The following ASPH variants were observed in gnomAD, a reference collection of about 807,000 sequenced individuals.
ASPH encodes the protein aspartyl/asparaginyl beta-hydroxylase.
A neutral mutation model predicts 118.4 loss-of-function variants in ASPH; 100 were observed. The observed-to-expected ratio is 0.84, with a 90% CI of 0.72 to 1.00. The LOEUF (loss-of-function observed/expected upper bound fraction) is 1.00. Ranked by LOEUF, ASPH falls within the 50% of genes least tolerant of loss-of-function variation. The pLI is 0.00. For missense variants in ASPH, 920 were observed against 919.5 expected (o/e 1.00, Z -0.01); for synonymous variants, 315 against 325.6 (o/e 0.97, Z 0.35).
chr8:61,556,809 A>T (rs1477047612), intron 18 of ASPH, among the ~76,000 whole-genome samples: 1 of 152,222 alleles, frequency 6.6e-6, no homozygotes, highest in Non-Finnish European at 1.5e-5. Context: ...ATGTAGGGAA[A>T]GATGCATCTC....
chr8:61,533,811 C>T (rs144397531), intron 21 of ASPH, among the ~76,000 whole-genome samples: 32 of 152,330 alleles, frequency 2.1e-4, no homozygotes, highest in African/African-American at 4.8e-4. Flanking sequence ...CAAAATTACA[C>T]GCTGACACTG....
At chr8:61,609,518 A>T (rs1194863003) in intron 14 of ASPH, among the ~76,000 whole-genome samples, 1 of 152,216 alleles carries the variant, frequency 6.6e-6, no homozygotes, top group Non-Finnish European at 1.5e-5. Flanking sequence ...CATTGCAGCA[A>T]AGAGGAAAGG....
intron 14 of ASPH, among the ~76,000 whole-genome samples, chr8:61,614,470 A>G (rs1304250150): frequency 2.0e-5 from 3 of 152,182 alleles, no homozygotes; most frequent in East Asian, 1.9e-4. Context: ...GTCAAAGTAC[A>G]GCTTTTAAAG....
chr8:61,535,130 A>G (rs1277940034), intron 21 of ASPH, among the ~76,000 whole-genome samples: 2 of 152,224 alleles, frequency 1.3e-5, no homozygotes, highest in Non-Finnish European at 2.9e-5. Context: ...TTAAAGACCC[A>G]AACACAGTCT....
chr8:61,542,975 G>A lies in ASPH; in HGVS notation c.1764+5096C>T, dbSNP rs576001086. Among the ~76,000 whole-genome samples, 8 of 152,108 alleles carry A rather than the reference G, an allele frequency of 5.3e-5. No homozygotes were observed. The South Asian group carries it at 1.5e-3, about 28-fold the overall frequency. ...AAGGAAGGTTCCTTTTGTGCAATAA[G>A]TCCTCTTTCTCTGTGTGCTTTCAAG... is the stretch of plus-strand genomic sequence containing the variant. On this transcript the variant is annotated intron_variant, in intron 21 of 24. Coordinates refer to ENST00000379454, the MANE Select transcript of ASPH (RefSeq NM_004318.4).
intron 24 of ASPH, among the ~76,000 whole-genome samples, chr8:61,512,499 G>C (rs1396224088): frequency 6.6e-6 from 1 of 152,168 alleles, no homozygotes; most frequent in Admixed American, 6.5e-5. Flanking sequence ...CTCCCTTAGA[G>C]CCTCCAGAAG....
At chr8:61,557,596 C>T (rs1291809989) in intron 18 of ASPH, among the ~76,000 whole-genome samples, 1 of 152,170 alleles carries the variant, frequency 6.6e-6, no homozygotes, top group Non-Finnish European at 1.5e-5. Context: ...CACTTATCAC[C>T]GTCTGACCTA....
At chr8:61,618,784 CT>C (rs1456308777) in intron 14 of ASPH, among the ~76,000 whole-genome samples, 193 bp downstream of exon 14, 8 of 152,208 alleles carry the variant, frequency 5.3e-5, no homozygotes, top group African/African-American at 1.9e-4. Flanking sequence ...TGGGCAACCT[CT>C]TTCTGTGCTT....
At chr8:61,612,348 G>GA (rs1435677680) in intron 14 of ASPH, among the ~76,000 whole-genome samples, 1 of 149,036 alleles carries the variant, frequency 6.7e-6, no homozygotes, top group Non-Finnish European at 1.5e-5. Context: ...AATCCAATGG[G>GA]AAAAAATGAT....
chr8:61,567,952 G>A (rs972263002), intron 16 of ASPH, among the ~76,000 whole-genome samples: 5 of 152,166 alleles, frequency 3.3e-5, no homozygotes, highest in African/African-American at 4.8e-5. Flanking sequence ...AAATTATGAA[G>A]ATACCTTGGG....
At chr8:61,687,473 T>C (rs1439301230) in intron 1 of ASPH, 1 of 152,218 alleles carries the variant, frequency 6.6e-6, no homozygotes, top group Non-Finnish European at 1.5e-5. Flanking sequence ...TCTAGCTCTA[T>C]GCACAAAACT....
At chr8:61,670,180 G>A (rs1236188368) in intron 3 of ASPH, among the ~76,000 whole-genome samples, 1 of 151,120 alleles carries the variant, frequency 6.6e-6, no homozygotes, top group Non-Finnish European at 1.5e-5. Context: ...ACCAAAAACA[G>A]TTAACAAGAG....
intron 19 of ASPH, among the ~76,000 whole-genome samples, chr8:61,555,146 C>T (rs936187984): frequency 1.3e-5 from 2 of 152,062 alleles, no homozygotes; most frequent in African/African-American, 2.4e-5. Context: ...CCTTTTCAGC[C>T]AGTATTTGTT....
chr8:61,579,732 G>C, intron 15 of ASPH: 1 of 910,686 alleles, frequency 1.1e-6, no homozygotes, highest in Admixed American at 1.7e-5. Flanking sequence ...CTGAGAAGGA[G>C]GCCACTATTC....
intron 16 of ASPH, among the ~76,000 whole-genome samples, chr8:61,571,233 C>A (rs184546652): frequency 4.6e-5 from 7 of 152,242 alleles, no homozygotes; most frequent in African/African-American, 1.7e-4. Context: ...AGCAATAACA[C>A]ATTGAAGCAT....
At chr8:61,652,720 A>T (rs142093513) in intron 4 of ASPH, among the ~76,000 whole-genome samples, 8 of 152,314 alleles carry the variant, frequency 5.3e-5, no homozygotes, top group Admixed American at 3.3e-4. Context: ...AAACTTTTTA[A>T]AAGTTACTAT....
intron 14 of ASPH, among the ~76,000 whole-genome samples, chr8:61,616,260 T>C (rs1377181403): frequency 6.6e-6 from 1 of 152,122 alleles, no homozygotes; most frequent in Non-Finnish European, 1.5e-5. Context: ...GTCAGACCTG[T>C]GCACCGAGGA....
intron 3 of ASPH, chr8:61,663,114 T>C (rs1035568647): frequency 3.0e-6 from 3 of 985,278 alleles, no homozygotes; most frequent in African/African-American, 1.7e-5. Flanking sequence ...AGAAAAGATC[T>C]AACACGGGGA....
intron 15 of ASPH, chr8:61,578,959 C>CCATGGACAACAGCCGCTCCCTGGA: frequency 2.5e-6 from 4 of 1,611,232 alleles, no homozygotes; most frequent in Non-Finnish European, 3.4e-6. Flanking sequence ...GTGGTGCTGT[C>CCATGGACAACAGCCGCTCCCTGGA]CATGGACAAC....
Sources: allele counts gnomAD v4.1 joint callset (sites outside exome capture counted in the v4.1 genomes callset), GRCh38; gene constraint gnomAD v4.1.1; transcripts MANE v1.5; gene names NCBI Gene and HGNC (gene_info 2026-07-23, HGNC 2026-07-21).